Variants in BBOF1 observed in about 807,000 individuals in gnomAD.
The protein encoded by BBOF1 is basal body-orientation factor 1.
BBOF1 carries 62 observed loss-of-function variants against 68.0 expected under a neutral mutation model. The ratio of observed to expected loss-of-function variants is 0.91; its 90% confidence interval spans 0.74 to 1.13. BBOF1 has a LOEUF of 1.13. Among genes scored for constraint, BBOF1 ranks in the 50% most tolerant of loss-of-function variants. The pLI is 0.00. For missense variants in BBOF1, 534 were observed against 600.1 expected (o/e 0.89, Z 1.15); for synonymous variants, 208 against 198.8 (o/e 1.05, Z -0.39).
downstream of BBOF1, among the ~76,000 whole-genome samples, chr14:74,066,307 T>C (rs1427013454): frequency 6.6e-6 from 1 of 152,220 alleles, no homozygotes; most frequent in Non-Finnish European, 1.5e-5. Flanking sequence ...TTTTGCATTT[T>C]TAAATGGTTG....
At chr14:74,026,140 CA>C (rs372178821) in intron 2 of BBOF1, among the ~76,000 whole-genome samples, 1,325 of 114,300 alleles carry the variant, frequency 0.012, 15 homozygotes, top group African/African-American at 0.035. Context: ...GACTCTGTCT[CA>C]AAAAAAAAAA....
Position 74,022,971 on chromosome 14 carries a change from C to G in BBOF1, c.112C>G (p.Leu38Val), listed in dbSNP as rs769703360. 6.2e-7 allele frequency: 1 copy of G among 1,613,396 alleles called. No individual in the cohort carries two copies. Residue 38 changes from leucine (L) to valine (V), a missense_variant, in exon 2 of 12, where the codon CTT becomes GTT. By Grantham distance (32) the Leu-to-Val change is conservative. Transcript: ENST00000394009. ...VVDRAKANAS[L>V]WEARLEVTEL... ...GGACAGAGCCAAGGCCAATGCCTCC[C>G]TTTGGGAGGCCAGGTTGGAAGTCAC...
rs1332090608 is a variant in BBOF1, at chr14:74,065,142, A to C, written c.*443A>C. On this transcript the variant is annotated 3_prime_UTR_variant, in exon 12 of 12. Coordinates refer to ENST00000394009, the MANE Select transcript of BBOF1 (RefSeq NM_025057.3). ...TACTGTTTCCTCTTAGGAAATAGTA[A>C]ATGGATATAAGAATCTCTTAAAAAT... 1 of 1,608,444 alleles carries C rather than the reference A, an allele frequency of 6.2e-7. No individual in the cohort carries two copies.
Position 74,019,465 on chromosome 14 carries a change from C to T in BBOF1, c.-14C>T, listed in dbSNP as rs971378214. On this transcript the variant is annotated 5_prime_UTR_variant, in exon 1 of 12. Coordinates refer to ENST00000394009, the MANE Select transcript of BBOF1 (RefSeq NM_025057.3). The stretch of plus-strand genomic sequence containing the variant: ...CTGGGCAACTACGACAGCGGAGCCC[C>T]TGGGGAAGCCAAGATGCCGTCGAAG... 3.1e-6 allele frequency: 5 copies of T among 1,600,970 alleles called. No homozygotes were observed. The highest frequency in any genetic ancestry group is 1.3e-5 in the African/African-American group (1 of 74,614).
intron 8 of BBOF1, 25 bp downstream of exon 8, chr14:74,050,220 C>G: frequency 2.0e-6 from 3 of 1,507,572 alleles, no homozygotes; most frequent in Non-Finnish European, 2.7e-6. Context: ...TTATTATTAT[C>G]TTTTTGCTGC....
At chr14:74,047,253 C>T (rs2059971152) in intron 6 of BBOF1, among the ~76,000 whole-genome samples, 1 of 152,064 alleles carries the variant, frequency 6.6e-6, no homozygotes, top group African/African-American at 2.4e-5. Flanking sequence ...TCTGGCAGCT[C>T]TCCTCCAGGG....
chr14:74,056,200 T>G (rs1414728969), intron 9 of BBOF1, among the ~76,000 whole-genome samples: 6 of 143,924 alleles, frequency 4.2e-5, no homozygotes, highest in Non-Finnish European at 1.5e-5. Flanking sequence ...CCCGGCTAAT[T>G]TTTTTTTTTT....
chr14:74,040,717 A>C, intron 5 of BBOF1, 72 bp downstream of exon 5: 4 of 840,358 alleles, frequency 4.8e-6, no homozygotes, highest in Non-Finnish European at 7.4e-6. Flanking sequence ...GCATTCTGAA[A>C]CATCAGCCTT....
At chr14:74,043,583 AAGAC>A (rs2059880973) in intron 5 of BBOF1, among the ~76,000 whole-genome samples, 3 of 146,046 alleles carry the variant, frequency 2.1e-5, no homozygotes, top group Middle Eastern at 3.6e-3. Context: ...AAAAAAAAAA[AAGAC>A]AGAGTCTCAC....
chr14:74,063,111 G>T (rs969277363), intron 11 of BBOF1, among the ~76,000 whole-genome samples: 2 of 151,876 alleles, frequency 1.3e-5, no homozygotes, highest in African/African-American at 2.4e-5. Flanking sequence ...GCCCATTTCC[G>T]CTGTCTGAAT....
At chr14:74,032,054 C>T (rs1361482683) in intron 3 of BBOF1, 1 of 151,244 alleles carries the variant, frequency 6.6e-6, no homozygotes, top group Non-Finnish European at 1.5e-5. Flanking sequence ...TGTAATACCA[C>T]TAGCCATGCA....
In BBOF1 at chr14:74,065,450, A is replaced by AT. The variant is rs144626442; in HGVS notation, c.*754dup. On this transcript the variant is annotated 3_prime_UTR_variant, in exon 12 of 12. Transcript: ENST00000394009. ...TTGGTACTTTCACTTACTACACATC[A>AT]TTTACGTGGACAACTTTCATATTAC... 1,630 of 1,149,730 alleles carry AT rather than the reference A, an allele frequency of 1.4e-3. 21 individuals carry two copies. The African/African-American group carries it at 0.023, about 16-fold the overall frequency. The allele number at this position is 1,149,730 out of a possible 1,614,324, so 71.2% of individuals were successfully genotyped here. A position where few individuals can be genotyped will look rare whatever the true frequency, so the allele number is the denominator to read the frequency against.
chr14:74,043,779 C>T (rs1255500822), intron 5 of BBOF1, among the ~76,000 whole-genome samples: 2 of 150,574 alleles, frequency 1.3e-5, no homozygotes, highest in Admixed American at 6.6e-5. Context: ...GTGACCTGCC[C>T]GCTTCGGCCT....
At chr14:74,071,891 C>T (rs1426016882) in intron 9 of BBOF1, 1 of 1,614,118 alleles carries the variant, frequency 6.2e-7, no homozygotes, top group Non-Finnish European at 8.5e-7. Flanking sequence ...GGGCTCCCAG[C>T]TTACGAAGGC....
intron 3 of BBOF1, among the ~76,000 whole-genome samples, chr14:74,032,733 C>T (rs2059604103): frequency 6.6e-6 from 1 of 151,734 alleles, no homozygotes; most frequent in Non-Finnish European, 1.5e-5. Context: ...ACCTCGTGAT[C>T]CACCCGCCTC....
At chr14:74,070,897 C>T (rs900706052), downstream of BBOF1, 64 of 373,352 alleles carry the variant, frequency 1.7e-4, 2 homozygotes, top group South Asian at 1.7e-3. Flanking sequence ...GAATTAAATA[C>T]CCTCATGTAT....
At chr14:74,063,868 A>G (rs1489383364) in intron 11 of BBOF1, among the ~76,000 whole-genome samples, 1 of 149,568 alleles carries the variant, frequency 6.7e-6, no homozygotes, top group East Asian at 2.0e-4. Context: ...TCTGTCTCAA[A>G]AAAAAAAAAA....
intron 4 of BBOF1, among the ~76,000 whole-genome samples, chr14:74,038,891 A>C (rs1206135610): frequency 3.3e-5 from 5 of 152,086 alleles, no homozygotes; most frequent in Non-Finnish European, 5.9e-5. Context: ...TCCTGTCTCC[A>C]AAAAAAGAAA....
At chr14:74,069,064 G>A, downstream of BBOF1, 4 of 1,344,986 alleles carry the variant, frequency 3.0e-6, no homozygotes, top group Non-Finnish European at 4.2e-6. Flanking sequence ...CCACTGCTAT[G>A]GATTTGAAGT....
Sources: allele counts gnomAD v4.1 joint callset (sites outside exome capture counted in the v4.1 genomes callset), GRCh38; gene constraint gnomAD v4.1.1; transcripts MANE v1.5; gene names NCBI Gene and HGNC (gene_info 2026-07-23, HGNC 2026-07-21).